The following NEK10 variants were observed in gnomAD, a reference collection of about 807,000 sequenced individuals.
NEK10 encodes serine/threonine-protein kinase Nek10.
A neutral mutation model predicts 159.8 loss-of-function variants in NEK10; 122 were observed. The observed-to-expected ratio is 0.76, with a 90% CI of 0.66 to 0.89. The LOEUF is 0.89. NEK10 is among the 40% of genes least tolerant of loss of function. NEK10 has a pLI of 0.00. For missense variants in NEK10, 1,342 were observed against 1,323.1 expected, an observed-to-expected ratio of 1.01 and a Z score of -0.22; for synonymous variants, 466 against 457.1, an observed-to-expected ratio of 1.02 and a Z score of -0.25.
chr3:27,163,115 CA>C (rs79414896), intron 29 of NEK10, among the ~76,000 whole-genome samples: 2 of 151,416 alleles, frequency 1.3e-5, no homozygotes, highest in African/African-American at 4.9e-5. Flanking sequence ...ATTAAAAAAA[CA>C]AAAAAAACCT....
intron 22 of NEK10, among the ~76,000 whole-genome samples, chr3:27,273,133 G>A (rs910786963): frequency 2.6e-5 from 4 of 152,124 alleles, no homozygotes; most frequent in African/African-American, 9.7e-5. Flanking sequence ...CTATGGTCAA[G>A]GGAAAATGGT....
intron 1 of NEK10, among the ~76,000 whole-genome samples, chr3:27,363,072 C>A (rs764293718): frequency 6.6e-6 from 1 of 152,188 alleles, no homozygotes; most frequent in African/African-American, 2.4e-5. Flanking sequence ...GCCACCCAGC[C>A]AGCTGTTACT....
At chr3:27,213,213 G>A (rs563082976) in intron 23 of NEK10, among the ~76,000 whole-genome samples, 21 of 152,190 alleles carry the variant, frequency 1.4e-4, no homozygotes, top group South Asian at 1.2e-3. Flanking sequence ...TGCTTTGTGC[G>A]TTCTGTCCAA....
chr3:27,341,239 G>A (rs978680194), intron 5 of NEK10, among the ~76,000 whole-genome samples: 3 of 152,196 alleles, frequency 2.0e-5, no homozygotes, highest in South Asian at 4.1e-4. Flanking sequence ...GTAGGTTAAC[G>A]GGTACAAATG....
intron 23 of NEK10, chr3:27,216,557 G>A (rs1264171322): frequency 6.6e-6 from 1 of 152,182 alleles, no homozygotes; most frequent in Non-Finnish European, 1.5e-5. Context: ...TATATTTTCA[G>A]AACTCTACCT....
intron 23 of NEK10, among the ~76,000 whole-genome samples, chr3:27,218,772 T>C (rs1575311539): frequency 7.3e-6 from 1 of 137,926 alleles, no homozygotes; most frequent in African/African-American, 2.7e-5. Context: ...TCTTAGTAAA[T>C]GCAGACAAGA....
At chr3:27,197,850 G>C (rs1162811782) in intron 25 of NEK10, among the ~76,000 whole-genome samples, 1 of 151,752 alleles carries the variant, frequency 6.6e-6, no homozygotes, top group East Asian at 1.9e-4. Context: ...ACAACGTGCA[G>C]GTTAGTTACA....
chr3:27,263,462 C>T (rs893216545), intron 22 of NEK10, among the ~76,000 whole-genome samples: 1 of 152,186 alleles, frequency 6.6e-6, no homozygotes, highest in Non-Finnish European at 1.5e-5. Flanking sequence ...CGGTGGGCTC[C>T]ACCCAGTTTG....
intron 32 of NEK10, among the ~76,000 whole-genome samples, chr3:27,129,935 A>T (rs528445517): frequency 1.1e-4 from 16 of 151,938 alleles, no homozygotes; most frequent in Non-Finnish European, 2.4e-4. Flanking sequence ...GGTGGTAAAG[A>T]ATAGGAAGTG....
At chr3:27,286,983 T>A (rs2042664637) in intron 20 of NEK10, among the ~76,000 whole-genome samples, 1 of 152,048 alleles carries the variant, frequency 6.6e-6, no homozygotes, top group Non-Finnish European at 1.5e-5. Context: ...TAAATAACAA[T>A]AGCACTGAAA....
intron 16 of NEK10, 86 bp downstream of exon 16, chr3:27,293,502 G>T: frequency 1.6e-6 from 1 of 634,790 alleles, no homozygotes; most frequent in Non-Finnish European, 2.7e-6. Context: ...TTTTCCTTCT[G>T]TTGCATCTAA....
intron 31 of NEK10, among the ~76,000 whole-genome samples, chr3:27,135,575 C>T (rs920756226): frequency 3.9e-5 from 6 of 152,150 alleles, no homozygotes; most frequent in African/African-American, 1.4e-4. Flanking sequence ...GCTATATTCT[C>T]TAGTATCTCC....
chr3:27,167,587 A>T (rs1946600090), intron 29 of NEK10, among the ~76,000 whole-genome samples: 1 of 152,212 alleles, frequency 6.6e-6, no homozygotes, highest in South Asian at 2.1e-4. Flanking sequence ...TAGAATCCTC[A>T]ATGTGTATAT....
At chr3:27,353,814 CA>C (rs1354427957) in intron 1 of NEK10, among the ~76,000 whole-genome samples, 1 of 151,608 alleles carries the variant, frequency 6.6e-6, no homozygotes. Context: ...CTACCACAAG[CA>C]AAAAAACAAA....
intron 23 of NEK10, among the ~76,000 whole-genome samples, chr3:27,204,526 T>C (rs1194807473): frequency 7.6e-6 from 1 of 131,404 alleles, no homozygotes; most frequent in Non-Finnish European, 1.6e-5. Context: ...GATCTCATTG[T>C]TCAGTTCCCA....
chr3:27,323,392 C>T (rs562125670), intron 5 of NEK10, among the ~76,000 whole-genome samples: 153 of 152,244 alleles, frequency 1.0e-3, no homozygotes, highest in African/African-American at 3.6e-3. Context: ...ACTCAAGGAA[C>T]CTGAGGGTGG....
At chr3:27,274,631 A>G (rs1253027174) in intron 22 of NEK10, among the ~76,000 whole-genome samples, 1 of 151,976 alleles carries the variant, frequency 6.6e-6, no homozygotes, top group African/African-American at 2.4e-5. Context: ...TTTTTCACAT[A>G]TGCGCACACA....
intron 33 of NEK10, among the ~76,000 whole-genome samples, chr3:27,117,606 G>A (rs1317517671): frequency 6.6e-6 from 1 of 152,152 alleles, no homozygotes; most frequent in East Asian, 1.9e-4. Context: ...TCATATGTTT[G>A]TTGGCCGCAT....
At position 27,297,223 on chromosome 3, in the gene NEK10, T is replaced by C; in HGVS notation, c.1186A>G (p.Thr396Ala). Residue 396 changes from threonine to alanine, a missense_variant, in exon 14 of 36, where the codon ACT becomes GCT. Thr to Ala is a moderately conservative substitution (Grantham distance 58, BLOSUM62 0). Coordinates refer to ENST00000691995, the MANE Select transcript of NEK10 (RefSeq NM_001394966.1). The stretch of plus-strand genomic sequence containing the variant: ...TTGGTGTCATTGAGCACCAGCTCAG[T>C]GAGGGCAGCACAGCAGGCTGGAATG... ...SLQAACCAAL[T>A]ELVLNDTNAH... is the part of the protein sequence containing the mutation. 6.2e-7 allele frequency: 1 copy of C among 1,613,016 alleles called. No individual in the cohort carries two copies. Among genetic ancestry groups the C allele is most frequent in the South Asian group, 1.1e-5 (1 of 91,040 alleles).
Sources: allele counts gnomAD v4.1 joint callset (sites outside exome capture counted in the v4.1 genomes callset), GRCh38; gene constraint gnomAD v4.1.1; transcripts MANE v1.5; gene names NCBI Gene and HGNC (gene_info 2026-07-23, HGNC 2026-07-21).